CCDC7: variants seen among roughly 807,000 people sequenced by gnomAD.
CCDC7 encodes coiled-coil domain containing 7, also known as coiled-coil domain-containing protein 7.
In CCDC7, 183 loss-of-function variants were observed where a neutral mutation model predicts 196.9. The observed-to-expected ratio is 0.93, with a 90% CI of 0.82 to 1.05. CCDC7 has a LOEUF of 1.05. Ranked by LOEUF, CCDC7 falls within the 50% of genes least tolerant of loss-of-function variation. The pLI is 0.00. For missense variants in CCDC7, 1,540 were observed against 1,482.2 expected, an observed-to-expected ratio of 1.04 and a Z score of -0.64; for synonymous variants, 525 against 484.6, an observed-to-expected ratio of 1.08 and a Z score of -1.10.
chr10:32,587,913 A>G (rs534200909), intron 18 of CCDC7, among the ~76,000 whole-genome samples: 1 of 152,270 alleles, frequency 6.6e-6, no homozygotes, highest in South Asian at 2.1e-4. Context: ...ATGTGCTGGA[A>G]ACTTGGTCCC....
chr10:32,451,836 A>G (rs1420897556), exon 1 of CCDC7: 6 of 1,614,226 alleles, frequency 3.7e-6, no homozygotes, highest in Admixed American at 3.3e-5. Flanking sequence ...ATTTTACGGT[A>G]TGCTTTGCCC....
At chr10:32,555,736 C>G (rs1318034120) in intron 13 of CCDC7, among the ~76,000 whole-genome samples, 1 of 152,154 alleles carries the variant, frequency 6.6e-6, no homozygotes, top group Non-Finnish European at 1.5e-5. Flanking sequence ...TTTTCTACTG[C>G]TAGGTATACC....
At chr10:32,740,048 G>A (rs2085556645) in intron 28 of CCDC7, among the ~76,000 whole-genome samples, 1 of 151,768 alleles carries the variant, frequency 6.6e-6, no homozygotes, top group African/African-American at 2.4e-5. Context: ...TGCCTCAGGA[G>A]TCTACACTTC....
At chr10:32,686,003 T>C (rs748203039) in exon 22 of CCDC7, 4 of 1,588,166 alleles carry the variant, frequency 2.5e-6, no homozygotes, top group Middle Eastern at 1.7e-4. Flanking sequence ...AGGCTTGTAG[T>C]TGAGCATCAA....
intron 9 of CCDC7, among the ~76,000 whole-genome samples, chr10:32,510,901 TATC>T (rs1172065979): frequency 4.0e-5 from 6 of 151,778 alleles, no homozygotes; most frequent in Non-Finnish European, 7.4e-5. Flanking sequence ...GCTTTCTTAA[TATC>T]ATATAGTGAA....
intron 13 of CCDC7, among the ~76,000 whole-genome samples, chr10:32,560,820 A>C (rs1371962551): frequency 7.2e-6 from 1 of 139,800 alleles, no homozygotes; most frequent in Non-Finnish European, 1.6e-5. Flanking sequence ...CACACATAAC[A>C]ATATTAACTT....
chr10:32,848,166 A>G (rs7068226), intron 38 of CCDC7, among the ~76,000 whole-genome samples: 21,881 of 152,146 alleles, frequency 0.14, 1,924 homozygotes, highest in African/African-American at 0.25. Flanking sequence ...GTTTTCTACA[A>G]TAATCCATGT....
chr10:32,510,817 G>A (rs529212311), intron 9 of CCDC7, among the ~76,000 whole-genome samples: 12 of 152,068 alleles, frequency 7.9e-5, no homozygotes, highest in African/African-American at 2.9e-4. Context: ...TATCAACAAA[G>A]CAGTAATTCC....
chr10:32,626,415 C>T (rs761708676), intron 18 of CCDC7, among the ~76,000 whole-genome samples: 6 of 151,640 alleles, frequency 4.0e-5, no homozygotes, highest in Non-Finnish European at 7.4e-5. Context: ...ATTGGGTTTT[C>T]TATTTTCTTG....
At chr10:32,608,934 T>G (rs2061809065) in intron 18 of CCDC7, among the ~76,000 whole-genome samples, 1 of 152,228 alleles carries the variant, frequency 6.6e-6, no homozygotes, top group African/African-American at 2.4e-5. Context: ...CCAAAGATCC[T>G]CTTGCTATTA....
At chr10:32,634,488 C>G (rs1016417931) in intron 19 of CCDC7, 124 bp downstream of exon 20, 14 of 346,942 alleles carry the variant, frequency 4.0e-5, no homozygotes, top group Non-Finnish European at 6.5e-5. Context: ...CCTCCATCTT[C>G]CGGGTTGAAG....
intron 22 of CCDC7, among the ~76,000 whole-genome samples, chr10:32,688,010 A>G (rs2076658152): frequency 6.6e-6 from 1 of 152,156 alleles, no homozygotes; most frequent in South Asian, 2.1e-4. Context: ...GAGTGGGCCA[A>G]ACTTTCAGAG....
chr10:32,777,216 CTTT>C (rs1010284008), intron 28 of CCDC7, among the ~76,000 whole-genome samples: 3 of 152,062 alleles, frequency 2.0e-5, no homozygotes, highest in African/African-American at 7.2e-5. Context: ...TGATTTTGTT[CTTT>C]TTTATTGCTG....
At chr10:32,605,724 G>T (rs147008283) in intron 18 of CCDC7, among the ~76,000 whole-genome samples, 2 of 152,272 alleles carry the variant, frequency 1.3e-5, no homozygotes, top group East Asian at 3.9e-4. Flanking sequence ...GACATAGCCT[G>T]GCTGCTTCCA....
Position 32,518,411 on chromosome 10 carries a change from T to C in CCDC7, c.904-5T>C. Reference sequence around the variant, plus strand: ...TTCATTATTACTAAAATTATTTGTTTTTAGGAATACAAACAGATGCAGTGT... The same window carrying C: ...TTCATTATTACTAAAATTATTTGTTCTTAGGAATACAAACAGATGCAGTGT... On this transcript the variant is annotated splice_region_variant and splice_polypyrimidine_tract_variant and intron_variant, in intron 10 of 41. Transcript: ENST00000639629. 1 of 1,590,104 alleles carries C rather than the reference T, an allele frequency of 6.3e-7. No homozygotes were observed. Among genetic ancestry groups the C allele is most frequent in the Non-Finnish European group, 8.5e-7 (1 of 1,171,968 alleles).
chr10:32,690,074 C>A (rs1471214098), intron 23 of CCDC7, among the ~76,000 whole-genome samples: 2 of 152,162 alleles, frequency 1.3e-5, no homozygotes, highest in African/African-American at 4.8e-5. Flanking sequence ...AGGATCAAAG[C>A]TTGGCAGTCT....
chr10:32,462,884 G>A (rs2133700041), intron 4 of CCDC7, 133 bp from the exon 6 acceptor site: 1 of 1,394,872 alleles, frequency 7.2e-7, no homozygotes, highest in Non-Finnish European at 9.8e-7. Context: ...CCCAAGTGAT[G>A]TTTCGGTCAG....
At chr10:32,498,376 T>C (rs558938451) in intron 9 of CCDC7, among the ~76,000 whole-genome samples, 23 of 152,320 alleles carry the variant, frequency 1.5e-4, no homozygotes, top group Non-Finnish European at 2.9e-4. Flanking sequence ...ATTTAGCTAA[T>C]TTACATTTAA....
chr10:32,797,273 A>ATATATATACATATGTG (rs2083792290), intron 29 of CCDC7, among the ~76,000 whole-genome samples: 1 of 151,108 alleles, frequency 6.6e-6, no homozygotes, highest in African/African-American at 2.4e-5. Context: ...ATATATGCGT[A>ATATATATACATATGTG]TATATATACA....
Sources: allele counts gnomAD v4.1 joint callset (sites outside exome capture counted in the v4.1 genomes callset), GRCh38; gene constraint gnomAD v4.1.1; transcripts MANE v1.5; gene names NCBI Gene and HGNC (gene_info 2026-07-23, HGNC 2026-07-21).